The following ITGB1 variants were observed in gnomAD, a reference collection of about 807,000 sequenced individuals.
The protein encoded by ITGB1 is integrin beta-1.
Under a neutral mutation model 86.5 loss-of-function variants are expected in ITGB1, and 24 were observed. The observed-to-expected ratio is 0.28, with a 90% CI of 0.20 to 0.39. The LOEUF is 0.39. Ranked by LOEUF, ITGB1 falls within the 10% of genes least tolerant of loss-of-function variation. The pLI is 1.00. For missense variants in ITGB1, 556 were observed against 946.9 expected (o/e 0.59, Z 5.42); for synonymous variants, 323 against 316.8 (o/e 1.02, Z -0.21).
chr10:32,909,398 G>A (rs2137165313), intron 14 of ITGB1, among the ~76,000 whole-genome samples: 1 of 152,146 alleles, frequency 6.6e-6, no homozygotes, highest in Non-Finnish European at 1.5e-5. Context: ...AAAAAACAGA[G>A]GAGAAAAATC....
At chr10:32,951,903 C>CAATTT (rs2095043402) in intron 1 of ITGB1, 1 of 152,280 alleles carries the variant, frequency 6.6e-6, no homozygotes, top group African/African-American at 2.4e-5. Context: ...AGACTTATTC[C>CAATTT]CCGTAATTTC....
At chr10:32,910,166 A>T in intron 14 of ITGB1, 57 bp downstream of exon 14, 1 of 1,323,424 alleles carries the variant, frequency 7.6e-7, no homozygotes, top group Admixed American at 1.9e-5. Context: ...GGCCTAAATA[A>T]GCAGAAACAA....
In ITGB1 at chr10:32,910,361, G is replaced by A. The variant is rs1298708463; in HGVS notation, c.2026C>T (p.Arg676Trp). The change falls in exon 14 of 16, where the codon CGG (arginine) becomes TGG (tryptophan). Residue 676 changes from arginine (R) to tryptophan (W), a missense_variant. Coordinates refer to ENST00000302278, the MANE Select transcript of ITGB1 (RefSeq NM_002211.4). The stretch of plus-strand genomic sequence containing the variant: ...TGGACCGGCTGGGGTAATTTGTCCC[G>A]ACTTTCTACCTTGGTAATGTTAAAA... Reference protein sequence around the residue: ...SYFNITKVESRDKLPQPVQPD... With the variant: ...SYFNITKVESWDKLPQPVQPD... The A allele has an allele frequency of 1.9e-6, 3 of 1,598,976 alleles. No individual in the cohort carries two copies. Among genetic ancestry groups the A allele is most frequent in the Admixed American group, 1.7e-5 (1 of 59,906 alleles).
chr10:32,951,142 G>A (rs1183039736), intron 1 of ITGB1, among the ~76,000 whole-genome samples: 2 of 152,184 alleles, frequency 1.3e-5, no homozygotes, highest in Admixed American at 6.5e-5. Flanking sequence ...TTAAAAATAA[G>A]AGAAAATCTA....
chr10:32,943,384 T>C (rs2095023597), intron 1 of ITGB1, among the ~76,000 whole-genome samples: 1 of 150,918 alleles, frequency 6.6e-6, no homozygotes, highest in African/African-American at 2.4e-5. Context: ...TTTGTAGAAA[T>C]GCCCAAATCT....
intron 1 of ITGB1, among the ~76,000 whole-genome samples, chr10:32,942,975 C>G (rs962509250): frequency 4.6e-5 from 7 of 152,044 alleles, no homozygotes; most frequent in African/African-American, 1.7e-4. Flanking sequence ...ATGATCACAC[C>G]ACTGCATTCC....
chr10:32,901,569 C>T lies in ITGB1; in HGVS notation c.*1G>A, dbSNP rs755421136. On this transcript the variant is annotated 3_prime_UTR_variant, in exon 16 of 16. Transcript: ENST00000302278. Reference sequence around the variant, plus strand: ...TGTTGTGGGATTTGCACGGGCAGTACTCATTTTCCCTCATACTTCGGATTG... The same window carrying T: ...TGTTGTGGGATTTGCACGGGCAGTATTCATTTTCCCTCATACTTCGGATTG... 1.3e-6 allele frequency: 2 copies of T among 1,571,660 alleles called. No homozygotes were observed. Among genetic ancestry groups the T allele is most frequent in the Non-Finnish European group, 1.7e-6 (2 of 1,144,892 alleles).
At chr10:32,942,324 G>A (rs752168635) in intron 1 of ITGB1, among the ~76,000 whole-genome samples, 17 of 152,120 alleles carry the variant, frequency 1.1e-4, no homozygotes, top group South Asian at 2.1e-4. Flanking sequence ...AAAGAGGTAC[G>A]GCTTAGGGGT....
intron 1 of ITGB1, among the ~76,000 whole-genome samples, chr10:32,946,480 A>G (rs1171154644): frequency 1.3e-5 from 2 of 152,150 alleles, no homozygotes; most frequent in East Asian, 3.9e-4. Flanking sequence ...CTGAGCAGCC[A>G]TTTAAATACT....
Position 32,942,285 on chromosome 10 carries a change from T to G in ITGB1, c.1-6727A>C, listed in dbSNP as rs565007835. Reference sequence around the variant, plus strand: ...GAGAGTTCATTCATGCATGACTGTTTTTTTCTGAAATAGGAAGAACTCCTA... The same window carrying G: ...GAGAGTTCATTCATGCATGACTGTTGTTTTCTGAAATAGGAAGAACTCCTA... On this transcript the variant is annotated intron_variant, in intron 1 of 15. Transcript: ENST00000302278. Among the ~76,000 whole-genome samples the G allele has an allele frequency of 5.1e-4, 77 of 152,250 alleles. 1 individual carries two copies. The Middle Eastern group carries it at 0.014, about 27-fold the overall frequency.
chr10:32,925,796 T>C (rs1175915740), intron 6 of ITGB1, 75 bp downstream of exon 6: 1 of 921,398 alleles, frequency 1.1e-6, no homozygotes. Flanking sequence ...TTTTCTATTA[T>C]CATAGTAAAA....
At chr10:32,934,699 TTTG>T (rs1378415000) in intron 2 of ITGB1, among the ~76,000 whole-genome samples, 2 of 152,228 alleles carry the variant, frequency 1.3e-5, no homozygotes, top group South Asian at 2.1e-4. Flanking sequence ...CTTTTATAAT[TTTG>T]TTATGTCTTT....
Position 32,910,432 on chromosome 10 carries a change from A to G in ITGB1, c.1955T>C (p.Phe652Ser), listed in dbSNP as rs778272545. The change falls in exon 14 of 16, where the codon TTC becomes TCC. Residue 652 changes from phenylalanine to serine, a missense_variant. Physicochemically the swap from Phe to Ser is radical, Grantham distance 155. Coordinates refer to ENST00000302278, the MANE Select transcript of ITGB1 (RefSeq NM_002211.4). ...TGTGTCTTTCTTTTCTCCTTTATTG[A>G]AGGCTCTGCACTGAACACATTCTCT... Reference protein sequence around the residue: ...EHKECVQCRAFNKGEKKDTCT... With the variant: ...EHKECVQCRASNKGEKKDTCT... 1 of 1,590,952 alleles carries G rather than the reference A, an allele frequency of 6.3e-7. No homozygotes were observed. The highest frequency in any genetic ancestry group is 8.6e-7 in the Non-Finnish European group (1 of 1,162,832).
chr10:32,911,618 G>A lies in ITGB1; in HGVS notation c.1761C>T (p.Gly587=), dbSNP rs201746225. ...RVCECNPNYT[G]SACDCSLDTS... is the part of the protein sequence containing the mutation. ...TATCCAAAGAACAGTCACATGCACT[G>A]CCAGTGTAGTTGGGGTTGCACTCAC... The change falls in exon 13 of 16, where the codon GGC becomes GGT. Residue 587 remains glycine (G), a synonymous_variant. Coordinates refer to ENST00000302278, the MANE Select transcript of ITGB1 (RefSeq NM_002211.4). 1.2e-6 allele frequency: 2 copies of A among 1,614,014 alleles called. No individual in the cohort carries two copies. Among genetic ancestry groups the A allele is most frequent in the Non-Finnish European group, 1.7e-6 (2 of 1,180,032 alleles).
chr10:32,913,423 AAAG>A (rs1270847703), intron 11 of ITGB1, among the ~76,000 whole-genome samples: 2 of 152,226 alleles, frequency 1.3e-5, no homozygotes, highest in Admixed American at 1.3e-4. Context: ...AACCTTGAAA[AAAG>A]ACTAGACGAA....
At chr10:32,947,760 A>G (rs71493736) in intron 1 of ITGB1, among the ~76,000 whole-genome samples, 195 of 152,328 alleles carry the variant, frequency 1.3e-3, no homozygotes, top group Middle Eastern at 6.8e-3. Flanking sequence ...CCGTTGTACA[A>G]CATTGTGTAG....
At position 32,923,633 on chromosome 10, in the gene ITGB1, A is replaced by G. The variant is rs1199444300; in HGVS notation, c.894T>C (p.Asp298=). ...TATTATTTTCCAGGTGACATTGTCC[A>G]TCATTTGGTAAAACAATGCCACCAA... The part of the protein sequence containing the change: ...GKLGGIVLPN[D]GQCHLENNMY... The change falls in exon 7 of 16, where the codon GAT becomes GAC. Residue 298 remains aspartate, a synonymous_variant. Transcript: ENST00000302278. The G allele has an allele frequency of 6.2e-7, 1 of 1,613,878 alleles. No homozygotes were observed. The highest frequency in any genetic ancestry group is 1.1e-5 in the South Asian group (1 of 91,048).
intron 11 of ITGB1, among the ~76,000 whole-genome samples, chr10:32,913,723 C>G (rs1411640781): frequency 1.3e-5 from 2 of 152,168 alleles, no homozygotes; most frequent in Admixed American, 1.3e-4. Flanking sequence ...GAGAATGGAA[C>G]CAAGTTGGAA....
At chr10:32,913,091 G>C (rs2094918879) in intron 11 of ITGB1, among the ~76,000 whole-genome samples, 1 of 152,218 alleles carries the variant, frequency 6.6e-6, no homozygotes, top group African/African-American at 2.4e-5. Flanking sequence ...CAGACCTGCA[G>C]CTGAGGGTCC....
Sources: allele counts gnomAD v4.1 joint callset (sites outside exome capture counted in the v4.1 genomes callset), GRCh38; gene constraint gnomAD v4.1.1; transcripts MANE v1.5; gene names NCBI Gene and HGNC (gene_info 2026-07-23, HGNC 2026-07-21).